The following C8orf90 variants were observed in gnomAD, a reference collection of about 807,000 sequenced individuals.
C8orf90 encodes the protein uncharacterized protein C8orf90.
the C8orf90 span, among the ~76,000 whole-genome samples, chr8:141,515,115 C>T: frequency 6.6e-6 from 1 of 151,404 alleles, no homozygotes; most frequent in African/African-American, 2.4e-5. Flanking sequence ...CTGCCCTTGC[C>T]TCTTCTAAAA....
chr8:141,518,105 C>T, the C8orf90 span: 4 of 517,696 alleles, frequency 7.7e-6, no homozygotes, highest in Admixed American at 1.3e-4. Context: ...TCGGCGGCTC[C>T]TTCCAGACTG....
At chr8:141,516,504 C>A in the C8orf90 span, among the ~76,000 whole-genome samples, 1 of 152,190 alleles carries the variant, frequency 6.6e-6, no homozygotes, top group South Asian at 2.1e-4. Flanking sequence ...GGCTCAGGTC[C>A]CTGCTGCCAC....
chr8:141,518,576 G>C, the C8orf90 span: 1 of 423,594 alleles, frequency 2.4e-6, no homozygotes, highest in South Asian at 6.2e-5. Flanking sequence ...GCCCGCGCGC[G>C]GGGCCCGGGC....
chr8:141,518,271 G>C, the C8orf90 span: 11 of 652,092 alleles, frequency 1.7e-5, no homozygotes, highest in Admixed American at 2.0e-4. Context: ...GGGACGCGCA[G>C]CTCTGGGAGG....
the C8orf90 span, chr8:141,518,609 C>G: frequency 2.0e-6 from 1 of 489,458 alleles, no homozygotes. Flanking sequence ...TGCTGCTGCC[C>G]GGCCCCGCCG....
chr8:141,516,750 C>A, the C8orf90 span, among the ~76,000 whole-genome samples: 1 of 152,218 alleles, frequency 6.6e-6, no homozygotes, highest in Non-Finnish European at 1.5e-5. Context: ...GTGAGCGGAT[C>A]TTCTCCAGCC....
the C8orf90 span, among the ~76,000 whole-genome samples, chr8:141,517,120 G>T: frequency 1.3e-5 from 2 of 152,226 alleles, no homozygotes; most frequent in African/African-American, 4.8e-5. Flanking sequence ...CAGGGCTTCA[G>T]CTTGGCATCT....
chr8:141,518,520 G>A, the C8orf90 span: 2 of 551,116 alleles, frequency 3.6e-6, no homozygotes, highest in East Asian at 3.5e-5. Flanking sequence ...CCACGGCCCA[G>A]GCAGCGATGC....
chr8:141,517,905 CAA>C, the C8orf90 span, among the ~76,000 whole-genome samples: 1 of 152,198 alleles, frequency 6.6e-6, no homozygotes, highest in African/African-American at 2.4e-5. Context: ...TCACGCTGGC[CAA>C]AGTCTGCAGC....
the C8orf90 span, chr8:141,518,532 C>T: frequency 5.7e-6 from 3 of 529,844 alleles, no homozygotes; most frequent in Admixed American, 8.3e-5. Flanking sequence ...CAGCGATGCG[C>T]AAGCGGCGCC....
At chr8:141,517,545 A>G in the C8orf90 span, among the ~76,000 whole-genome samples, 2 of 152,172 alleles carry the variant, frequency 1.3e-5, no homozygotes, top group South Asian at 4.1e-4. Context: ...AACCAAAACC[A>G]AACTCCTCTT....
the C8orf90 span, among the ~76,000 whole-genome samples, chr8:141,516,189 C>A: frequency 6.6e-6 from 1 of 152,186 alleles, no homozygotes. Flanking sequence ...ATCATGATAC[C>A]GCTCTTTCCC....
the C8orf90 span, chr8:141,514,778 G>A: frequency 1.4e-6 from 1 of 700,748 alleles, no homozygotes; most frequent in Non-Finnish European, 2.6e-6. Context: ...GACACTTGGT[G>A]AGGGAGGGGA....
chr8:141,517,393 A>G, the C8orf90 span, among the ~76,000 whole-genome samples: 2 of 69,618 alleles, frequency 2.9e-5, no homozygotes, highest in South Asian at 4.0e-4. Context: ...AGCTAAGCAC[A>G]TTTGCTGAAT....
Sources: allele counts gnomAD v4.1 joint callset (sites outside exome capture counted in the v4.1 genomes callset), GRCh38; gene constraint gnomAD v4.1.1; transcripts MANE v1.5; gene names NCBI Gene and HGNC (gene_info 2026-07-23, HGNC 2026-07-21).